The following CFAP47 variants were observed in gnomAD, a reference collection of about 807,000 sequenced individuals.
The protein encoded by CFAP47 is cilia- and flagella-associated protein 47.
Under a neutral mutation model 148.1 loss-of-function variants are expected in CFAP47, and 29 were observed. The observed-to-expected ratio is 0.20, with a 90% CI of 0.15 to 0.27. The LOEUF (loss-of-function observed/expected upper bound fraction) is 0.27. CFAP47 is among the 10% of genes least tolerant of loss of function. The probability of loss-of-function intolerance (pLI) is 1.00; values close to 1 mark genes in which losing one functional copy is unlikely to be tolerated. For missense variants in CFAP47, 1,872 were observed against 1,697.5 expected (o/e 1.10, Z -1.81); for synonymous variants, 664 against 577.3 (o/e 1.15, Z -2.15).
chrX:36,363,273 C>G (rs1556019610), intron 61 of CFAP47, among the ~76,000 whole-genome samples: 1 of 111,274 alleles, frequency 9.0e-6, no homozygotes, highest in East Asian at 2.8e-4. Context: ...TTAGGTGATT[C>G]CATCATTGTA....
intron 63 of CFAP47, among the ~76,000 whole-genome samples, chrX:36,384,108 AGGAGGGT>A (rs1387889706): frequency 1.8e-5 from 2 of 111,029 alleles, no homozygotes; most frequent in Non-Finnish European, 1.9e-5. Context: ...TGGGAGGCCA[AGGAGGGT>A]GGATGATCTG....
intron 49 of CFAP47, among the ~76,000 whole-genome samples, chrX:36,269,168 G>A (rs1342300602): frequency 8.9e-6 from 1 of 111,822 alleles, no homozygotes; most frequent in East Asian, 2.8e-4. Flanking sequence ...TCCTTTTATA[G>A]CTAATGTAAA....
chrX:36,030,851 A>G (rs184182919), intron 22 of CFAP47, among the ~76,000 whole-genome samples: 1 of 110,135 alleles, frequency 9.1e-6, no homozygotes, highest in Non-Finnish European at 1.9e-5. Flanking sequence ...AATGTTACAT[A>G]CTATGCCAGC....
At chrX:35,935,498 C>A (rs964598430) in intron 2 of CFAP47, among the ~76,000 whole-genome samples, 2 of 110,331 alleles carry the variant, frequency 1.8e-5, no homozygotes, top group East Asian at 5.7e-4. Context: ...CTCTTGAATG[C>A]CTCTTTCAGT....
intron 15 of CFAP47, among the ~76,000 whole-genome samples, chrX:35,979,355 C>T (rs1055551977): frequency 1.8e-5 from 2 of 109,424 alleles, no homozygotes; most frequent in Non-Finnish European, 3.8e-5. Flanking sequence ...CATGCTTCTG[C>T]TTGTTTTGTT....
chrX:36,321,938 C>T (rs1371965174), intron 57 of CFAP47, among the ~76,000 whole-genome samples: 1 of 111,202 alleles, frequency 9.0e-6, no homozygotes, highest in Non-Finnish European at 1.9e-5. Context: ...ATTGAAAATT[C>T]ACCTACATTT....
intron 33 of CFAP47, among the ~76,000 whole-genome samples, chrX:36,131,957 T>C (rs764341490): frequency 9.0e-6 from 1 of 111,252 alleles, no homozygotes; most frequent in Non-Finnish European, 1.9e-5. Context: ...TATATGACTA[T>C]ACTAAGCAAC....
intron 3 of CFAP47, among the ~76,000 whole-genome samples, chrX:35,945,519 T>A (rs1936072667): frequency 9.0e-6 from 1 of 111,497 alleles, no homozygotes; most frequent in African/African-American, 3.3e-5. Flanking sequence ...TACTTCTTTT[T>A]TCTTTGTCAA....
At chrX:36,096,895 C>T (rs1938288186) in intron 30 of CFAP47, among the ~76,000 whole-genome samples, 1 of 111,085 alleles carries the variant, frequency 9.0e-6, no homozygotes, top group African/African-American at 3.3e-5. Flanking sequence ...TTTCTTTTCT[C>T]ATTGTCTCCT....
At chrX:36,138,611 A>T in intron 35 of CFAP47, 147 bp downstream of exon 35, 1 of 609,314 alleles carries the variant, frequency 1.6e-6, no homozygotes, top group Non-Finnish European at 2.3e-6. Flanking sequence ...TAGAAATTGA[A>T]ATATGACTCC....
intron 35 of CFAP47, 82 bp from the exon 36 acceptor site, chrX:36,145,137 A>AT (rs1442243864): frequency 3.3e-6 from 1 of 302,852 alleles, no homozygotes; most frequent in Non-Finnish European, 5.7e-6. Flanking sequence ...ATATATACAG[A>AT]TATATATCCT....
chrX:36,267,775 G>A (rs915710615), intron 49 of CFAP47, among the ~76,000 whole-genome samples: 2 of 112,176 alleles, frequency 1.8e-5, no homozygotes, highest in Non-Finnish European at 3.8e-5. Context: ...ACCGCGCCCA[G>A]CAAAGTGGTT....
At chrX:35,937,887 T>C (rs1049325431) in intron 2 of CFAP47, among the ~76,000 whole-genome samples, 2 of 111,639 alleles carry the variant, frequency 1.8e-5, no homozygotes, top group African/African-American at 3.3e-5. Context: ...AAACAGAAAC[T>C]ACATGATTGA....
rs935704652 is a variant in CFAP47, at chrX:35,928,919, A to G, written c.401+2751A>G. ...TTTGTTGAAAAAGCTATTTTCCTCC[A>G]TTGAATTGTGTACCCTTGAAAAAAA... On this transcript the variant is annotated intron_variant, in intron 2 of 63. Transcript: ENST00000378653. Among the ~76,000 whole-genome samples, 10 of 111,025 alleles carry G rather than the reference A, an allele frequency of 9.0e-5. No individual in the cohort carries two copies. In the Admixed American group the frequency reaches 9.6e-4, roughly 11 times the overall value.
intron 45 of CFAP47, chrX:36,211,467 G>A: frequency 3.6e-6 from 1 of 279,985 alleles, no homozygotes; most frequent in South Asian, 4.4e-5. Flanking sequence ...AGAACATCCT[G>A]TCCAGTCCAC....
At chrX:36,237,534 T>C (rs1940484544) in intron 48 of CFAP47, among the ~76,000 whole-genome samples, 1 of 111,256 alleles carries the variant, frequency 9.0e-6, no homozygotes. Context: ...TTTACCATGT[T>C]GGCCAGGCTG....
intron 60 of CFAP47, among the ~76,000 whole-genome samples, chrX:36,356,552 C>G (rs192297380): frequency 1.1e-4 from 12 of 111,126 alleles, no homozygotes; most frequent in African/African-American, 3.6e-4. Flanking sequence ...ATCTGTAATT[C>G]TCTCTGCTTG....
At chrX:36,380,140 C>A (rs950770975) in intron 63 of CFAP47, among the ~76,000 whole-genome samples, 1 of 112,026 alleles carries the variant, frequency 8.9e-6, no homozygotes, top group Admixed American at 9.5e-5. Context: ...AACTTTCAAA[C>A]TACTTCTAAA....
At chrX:36,118,382 T>A (rs1320272377) in intron 33 of CFAP47, among the ~76,000 whole-genome samples, 5 of 111,928 alleles carry the variant, frequency 4.5e-5, no homozygotes. Flanking sequence ...ACATGGAATA[T>A]CTTTCCATTT....
Sources: gnomAD v4.1 joint callset for allele counts (sites outside exome capture counted in the v4.1 genomes callset) on GRCh38, gnomAD v4.1.1 for gene constraint, MANE v1.5 for transcripts, NCBI Gene and HGNC (gene_info 2026-07-23, HGNC 2026-07-21) for gene names.